WDR70: variants seen among roughly 807,000 people sequenced by gnomAD.
WDR70 encodes WD repeat domain 70, also known as WD repeat-containing protein 70.
WDR70 carries 53 observed loss-of-function variants against 88.6 expected under a neutral mutation model. The observed-to-expected ratio is 0.60, with a 90% confidence interval of 0.48 to 0.75. The LOEUF is 0.75. WDR70 is among the 30% of genes least tolerant of loss of function. WDR70 has a pLI of 0.00. For missense variants in WDR70, 610 were observed against 823.2 expected (o/e 0.74, Z 3.17); for synonymous variants, 280 against 270.0 (o/e 1.04, Z -0.36).
chr5:37,532,341 C>T (rs1195353427), intron 9 of WDR70, among the ~76,000 whole-genome samples: 2 of 152,138 alleles, frequency 1.3e-5, no homozygotes, highest in African/African-American at 2.4e-5. Context: ...TTAATTATTC[C>T]CTCAAATATG....
intron 10 of WDR70, among the ~76,000 whole-genome samples, chr5:37,650,527 AG>A (rs2112559166): frequency 6.6e-6 from 1 of 152,328 alleles, no homozygotes; most frequent in East Asian, 1.9e-4. Context: ...ATGAAAAAAT[AG>A]GAAGTCAAGA....
intron 8 of WDR70, among the ~76,000 whole-genome samples, chr5:37,481,535 C>T (rs1415263405): frequency 2.6e-5 from 4 of 152,112 alleles, no homozygotes; most frequent in East Asian, 1.9e-4. Flanking sequence ...TTACCTATGG[C>T]GGGAGCAGCT....
At chr5:37,645,468 C>T (rs1307181316) in intron 10 of WDR70, among the ~76,000 whole-genome samples, 1 of 152,090 alleles carries the variant, frequency 6.6e-6, no homozygotes, top group African/African-American at 2.4e-5. Context: ...ACAAAATGTT[C>T]TGTAGATACC....
chr5:37,540,082 T>C (rs1467649432), intron 9 of WDR70, among the ~76,000 whole-genome samples: 1 of 152,208 alleles, frequency 6.6e-6, no homozygotes, highest in African/African-American at 2.4e-5. Flanking sequence ...ATGATTCTTA[T>C]TTTCTTTTTG....
intron 9 of WDR70, among the ~76,000 whole-genome samples, chr5:37,534,838 A>G (rs1294379135): frequency 6.6e-6 from 1 of 151,464 alleles, no homozygotes; most frequent in African/African-American, 2.4e-5. Flanking sequence ...TTAATTGTAG[A>G]CTCCCATTAT....
intron 5 of WDR70, among the ~76,000 whole-genome samples, chr5:37,414,871 G>T (rs1473495049): frequency 6.7e-6 from 1 of 149,936 alleles, no homozygotes; most frequent in Non-Finnish European, 1.5e-5. Context: ...TGGAGGGAAG[G>T]TCAGCAGATA....
intron 10 of WDR70, among the ~76,000 whole-genome samples, chr5:37,657,656 G>C (rs1467322729): frequency 6.6e-6 from 1 of 152,066 alleles, no homozygotes; most frequent in African/African-American, 2.4e-5. Flanking sequence ...TGTCACCCTG[G>C]GCATCAGATG....
At chr5:37,413,651 G>A (rs1749594950) in intron 5 of WDR70, among the ~76,000 whole-genome samples, 1 of 151,612 alleles carries the variant, frequency 6.6e-6, no homozygotes. Context: ...GAACCAGGGA[G>A]GCGGAGGTTG....
chr5:37,647,070 T>C (rs561159027), intron 10 of WDR70, among the ~76,000 whole-genome samples: 1 of 152,300 alleles, frequency 6.6e-6, no homozygotes, highest in East Asian at 1.9e-4. Context: ...TTCCTTTTTT[T>C]CCTCTGACTG....
chr5:37,393,855 A>AT (rs1030844502), intron 4 of WDR70, among the ~76,000 whole-genome samples: 2 of 151,896 alleles, frequency 1.3e-5, no homozygotes, highest in African/African-American at 2.4e-5. Context: ...TAATTTTTGT[A>AT]TTTTTTTGTA....
chr5:37,634,298 C>CAAA (rs34755579), intron 10 of WDR70, among the ~76,000 whole-genome samples: 2 of 106,078 alleles, frequency 1.9e-5, no homozygotes, highest in Non-Finnish European at 3.6e-5. Context: ...GACCCTGTCT[C>CAAA]AAAAAAAAAA....
At chr5:37,399,196 T>C (rs1369050514) in intron 5 of WDR70, among the ~76,000 whole-genome samples, 1 of 152,128 alleles carries the variant, frequency 6.6e-6, no homozygotes, top group Non-Finnish European at 1.5e-5. Flanking sequence ...GAGAATGGCG[T>C]GAACCTGGGA....
chr5:37,415,594 G>C, intron 5 of WDR70, among the ~76,000 whole-genome samples: 1 of 139,708 alleles, frequency 7.2e-6, no homozygotes, highest in Non-Finnish European at 1.6e-5. Context: ...CGGACGGGGC[G>C]GCTGGCCGGG....
intron 9 of WDR70, among the ~76,000 whole-genome samples, chr5:37,599,591 T>C (rs968150899): frequency 1.3e-5 from 2 of 152,290 alleles, no homozygotes; most frequent in South Asian, 2.1e-4. Context: ...GTTATCCATA[T>C]GTAAAAAGGT....
chr5:37,679,614 G>T (rs1009787002), intron 10 of WDR70, among the ~76,000 whole-genome samples: 3 of 152,286 alleles, frequency 2.0e-5, no homozygotes, highest in South Asian at 2.1e-4. Context: ...AGGAGTACCC[G>T]GCCGTGTGAG....
chr5:37,551,881 C>T (rs1581387255), intron 9 of WDR70, among the ~76,000 whole-genome samples: 1 of 146,152 alleles, frequency 6.8e-6, no homozygotes, highest in Admixed American at 7.0e-5. Context: ...AAGTGATTCA[C>T]CTGCCTCAGC....
intron 16 of WDR70, among the ~76,000 whole-genome samples, chr5:37,725,379 C>G (rs564847212): frequency 2.0e-5 from 3 of 152,026 alleles, no homozygotes; most frequent in African/African-American, 7.2e-5. Flanking sequence ...AACCACTGCT[C>G]TCAATATTGG....
chr5:37,583,069 T>A (rs776525325), intron 9 of WDR70, among the ~76,000 whole-genome samples: 1 of 152,138 alleles, frequency 6.6e-6, no homozygotes, highest in African/African-American at 2.4e-5. Context: ...CTGTTGGTGA[T>A]TTTTTCTCCT....
chr5:37,567,437 T>C (rs1742775959), intron 9 of WDR70, among the ~76,000 whole-genome samples: 1 of 152,208 alleles, frequency 6.6e-6, no homozygotes, highest in Non-Finnish European at 1.5e-5. Context: ...AATGAAAAAC[T>C]AAACGATTTA....
Sources: allele counts gnomAD v4.1 joint callset (sites outside exome capture counted in the v4.1 genomes callset), GRCh38; gene constraint gnomAD v4.1.1; transcripts MANE v1.5; gene names NCBI Gene and HGNC (gene_info 2026-07-23, HGNC 2026-07-21).